Variants in LRGUK observed in about 807,000 individuals in gnomAD.
The protein encoded by LRGUK is leucine rich repeats and guanylate kinase domain containing.
In LRGUK, 65 loss-of-function variants were observed where a neutral mutation model predicts 76.0. The ratio of observed to expected loss-of-function variants is 0.85; its 90% CI spans 0.70 to 1.05. The LOEUF is 1.05. LRGUK is among the 50% of genes least tolerant of loss of function. The pLI, the probability that LRGUK is intolerant of heterozygous loss-of-function variation, is 0.00. For synonymous variants in LRGUK, 268 were observed against 265.6 expected (o/e 1.01, Z -0.09); for missense variants, 758 against 732.8 (o/e 1.03, Z -0.40).
chr7:134,236,227 G>C (rs1352911211), intron 16 of LRGUK, among the ~76,000 whole-genome samples: 1 of 152,104 alleles, frequency 6.6e-6, no homozygotes, highest in Non-Finnish European at 1.5e-5. Context: ...GCCCTTCCAT[G>C]AGCCCCATCC....
intron 1 of LRGUK, among the ~76,000 whole-genome samples, chr7:134,136,800 G>T (rs919368660): frequency 2.6e-5 from 4 of 151,968 alleles, no homozygotes; most frequent in African/African-American, 9.7e-5. Context: ...GTGACCACCT[G>T]AAAAAAACAG....
chr7:134,222,253 A>G (rs1025347687), intron 16 of LRGUK, among the ~76,000 whole-genome samples: 1 of 152,242 alleles, frequency 6.6e-6, no homozygotes, highest in African/African-American at 2.4e-5. Context: ...CTTTGTTGCT[A>G]GGGTATAAAT....
intron 19 of LRGUK, among the ~76,000 whole-genome samples, chr7:134,260,592 C>T (rs970089423): frequency 4.6e-5 from 7 of 152,170 alleles, no homozygotes; most frequent in African/African-American, 1.7e-4. Flanking sequence ...TGCATTTTCC[C>T]TGGGCTTGTG....
intron 18 of LRGUK, among the ~76,000 whole-genome samples, chr7:134,257,141 C>T (rs1052176606): frequency 6.6e-6 from 1 of 152,212 alleles, no homozygotes; most frequent in Admixed American, 6.5e-5. Context: ...CAGTAAATTT[C>T]TCCTGCCTTC....
rs143125324 is a variant in LRGUK, at chr7:134,254,423, C to G, written c.2199-3834C>G. Among the ~76,000 whole-genome samples, 4 of 152,250 alleles carry G rather than the reference C, an allele frequency of 2.6e-5. No homozygotes were observed. The East Asian group carries it at 7.7e-4, about 29-fold the overall frequency. On this transcript the variant is annotated intron_variant, in intron 18 of 19. Coordinates refer to the LRGUK transcript ENST00000285928. Reference sequence around the variant, plus strand: ...TGATAGACAACACACATTTATTTCTCCCAGTTCCGGAGGCTGGGAGTTTAA... The same window carrying G: ...TGATAGACAACACACATTTATTTCTGCCAGTTCCGGAGGCTGGGAGTTTAA...
At chr7:134,131,164 T>C (rs1162714575) in intron 1 of LRGUK, among the ~76,000 whole-genome samples, 5 of 152,226 alleles carry the variant, frequency 3.3e-5, no homozygotes, top group Non-Finnish European at 7.3e-5. Context: ...TTCTTTTCAG[T>C]CCCTTTATAT....
chr7:134,272,799 G>C, the LRGUK span, among the ~76,000 whole-genome samples: 1 of 152,176 alleles, frequency 6.6e-6, no homozygotes, highest in Non-Finnish European at 1.5e-5. Context: ...TAATGCATCT[G>C]TGGTGAGTAT....
chr7:134,197,067 A>G, exon 13 of LRGUK: 1 of 1,611,546 alleles, frequency 6.2e-7, no homozygotes, highest in Non-Finnish European at 8.5e-7. Context: ...AGGTATCGCA[A>G]GAGATGGTTT....
intron 14 of LRGUK, 101 bp from the exon 15 acceptor site, chr7:134,201,380 A>G (rs1190436196): frequency 4.9e-5 from 43 of 871,118 alleles, no homozygotes; most frequent in Non-Finnish European, 7.8e-5. Context: ...CATAATATAT[A>G]TAAAATTAAA....
chr7:134,205,401 C>A (rs1434765976), intron 15 of LRGUK, among the ~76,000 whole-genome samples: 5 of 152,168 alleles, frequency 3.3e-5, no homozygotes, highest in Non-Finnish European at 7.3e-5. Context: ...GACCCAGAGT[C>A]CCAGCAGAGT....
At chr7:134,258,524 C>T (rs1015383343) in intron 19 of LRGUK, 119 bp downstream of exon 19, 2 of 885,936 alleles carry the variant, frequency 2.3e-6, no homozygotes, top group African/African-American at 1.7e-5. Flanking sequence ...ATTGTGAAAC[C>T]CCATCTCTAC....
At chr7:134,127,516 C>G in exon 1 of LRGUK, 1 of 1,614,184 alleles carries the variant, frequency 6.2e-7, no homozygotes, top group Non-Finnish European at 8.5e-7. Flanking sequence ...GGGCAGAAGA[C>G]GAAAGGCAGC....
At chr7:134,144,787 T>A (rs138472036) in intron 4 of LRGUK, among the ~76,000 whole-genome samples, 1 of 152,296 alleles carries the variant, frequency 6.6e-6, no homozygotes, top group African/African-American at 2.4e-5. Context: ...CCTTTGAAAT[T>A]ATAGTTTTTG....
At chr7:134,132,408 G>T (rs779282696) in intron 1 of LRGUK, among the ~76,000 whole-genome samples, 1 of 152,126 alleles carries the variant, frequency 6.6e-6, no homozygotes, top group Non-Finnish European at 1.5e-5. Flanking sequence ...AATAGGTTAA[G>T]TGGGAAGAGG....
At chr7:134,211,779 G>A (rs573698465), downstream of LRGUK, among the ~76,000 whole-genome samples, 130 of 152,178 alleles carry the variant, frequency 8.5e-4, no homozygotes, top group African/African-American at 2.8e-3. Context: ...GGATTCTTTC[G>A]CTGGCAAATG....
chr7:134,129,595 C>T (rs1265046940), intron 1 of LRGUK, among the ~76,000 whole-genome samples: 1 of 150,870 alleles, frequency 6.6e-6, no homozygotes, highest in East Asian at 2.0e-4. Context: ...GCCTCAGCCT[C>T]CTGAGTAGCA....
chr7:134,255,313 A>T (rs1452788549), intron 18 of LRGUK, among the ~76,000 whole-genome samples: 1 of 151,976 alleles, frequency 6.6e-6, no homozygotes, highest in East Asian at 1.9e-4. Flanking sequence ...CATTTTCCTC[A>T]TTTTAAAAAT....
chr7:134,156,927 T>C (rs1470768737), intron 5 of LRGUK, among the ~76,000 whole-genome samples: 1 of 152,140 alleles, frequency 6.6e-6, no homozygotes, highest in Non-Finnish European at 1.5e-5. Context: ...TCACAGATTA[T>C]GAGTGGCTGA....
intron 16 of LRGUK, among the ~76,000 whole-genome samples, chr7:134,225,903 T>G (rs781582605): frequency 6.6e-6 from 1 of 152,140 alleles, no homozygotes; most frequent in Non-Finnish European, 1.5e-5. Flanking sequence ...TTATGCAGCA[T>G]TTATAATTTA....
Sources: gnomAD v4.1 joint callset for allele counts (sites outside exome capture counted in the v4.1 genomes callset) on GRCh38, gnomAD v4.1.1 for gene constraint, MANE v1.5 for transcripts, NCBI Gene and HGNC (gene_info 2026-07-23, HGNC 2026-07-21) for gene names.